Variants in EYS observed in about 807,000 individuals in gnomAD.
EYS encodes the protein EGF-like photoreceptor maintenance factor.
EYS carries 250 observed loss-of-function variants against 282.1 expected under a neutral mutation model. The ratio of observed to expected loss-of-function variants is 0.89; its 90% confidence interval spans 0.80 to 0.98. The LOEUF (loss-of-function observed/expected upper bound fraction) is 0.98. Ranked by LOEUF, EYS falls within the 50% of genes least tolerant of loss-of-function variation. The pLI, the probability that EYS is intolerant of heterozygous loss-of-function variation, is 0.00. For missense variants in EYS, 4,016 were observed against 3,709.0 expected (o/e 1.08, Z -2.15); for synonymous variants, 1,355 against 1,282.9 (o/e 1.06, Z -1.20).
chr6:65,318,825 A>T (rs1002677565), intron 11 of EYS, among the ~76,000 whole-genome samples: 1 of 149,868 alleles, frequency 6.7e-6, no homozygotes, highest in South Asian at 2.1e-4. Flanking sequence ...AATCTTTAGT[A>T]GAGACGGGGT....
intron 34 of EYS, among the ~76,000 whole-genome samples, chr6:63,991,889 A>AT (rs1422669110): frequency 5.3e-5 from 8 of 151,708 alleles, no homozygotes; most frequent in Non-Finnish European, 8.9e-5. Context: ...CTATCAGTAG[A>AT]TTTTTTTCCA....
chr6:63,981,438 G>A (rs187139195), intron 35 of EYS, among the ~76,000 whole-genome samples: 5 of 151,948 alleles, frequency 3.3e-5, no homozygotes, highest in East Asian at 1.9e-4. Context: ...AGTACACAAA[G>A]GGATTGCAGG....
intron 30 of EYS, among the ~76,000 whole-genome samples, chr6:64,296,942 G>C (rs1295924303): frequency 6.6e-6 from 1 of 152,112 alleles, no homozygotes; most frequent in African/African-American, 2.4e-5. Context: ...AAATAGTGAA[G>C]TCTATTGAAG....
intron 31 of EYS, among the ~76,000 whole-genome samples, chr6:64,214,405 A>G (rs191543783): frequency 1.3e-5 from 2 of 152,284 alleles, no homozygotes; most frequent in East Asian, 3.9e-4. Flanking sequence ...GTGAAAAAGC[A>G]AAAGACATTG....
intron 26 of EYS, among the ~76,000 whole-genome samples, chr6:64,455,004 CATT>C: frequency 6.6e-6 from 1 of 152,204 alleles, no homozygotes; most frequent in East Asian, 1.9e-4. Context: ...ATATTTAACT[CATT>C]ATATTGATGT....
At chr6:63,980,102 A>G (rs1767019037) in intron 35 of EYS, among the ~76,000 whole-genome samples, 1 of 151,830 alleles carries the variant, frequency 6.6e-6, no homozygotes, top group Non-Finnish European at 1.5e-5. Flanking sequence ...TGTGAACCCT[A>G]AGGTCTAACT....
chr6:64,752,715 A>AAGTCAACTTG (rs1772800316), intron 22 of EYS, among the ~76,000 whole-genome samples: 1 of 152,172 alleles, frequency 6.6e-6, no homozygotes, highest in Non-Finnish European at 1.5e-5. Flanking sequence ...TAGGCAATCT[A>AAGTCAACTTG]AAGTCAACAT....
chr6:63,861,199 CTA>C (rs1266034187), intron 36 of EYS, among the ~76,000 whole-genome samples: 1 of 143,970 alleles, frequency 6.9e-6, no homozygotes, highest in Non-Finnish European at 1.5e-5. Flanking sequence ...TGTTATGCCT[CTA>C]TTCTTTTTCA....
intron 6 of EYS, among the ~76,000 whole-genome samples, chr6:65,404,206 C>G (rs1766629994): frequency 1.3e-5 from 2 of 151,930 alleles, no homozygotes; most frequent in Admixed American, 1.3e-4. Context: ...CATCAAATCC[C>G]CCTTTGACTC....
At chr6:64,430,861 C>G (rs1774554022) in intron 28 of EYS, among the ~76,000 whole-genome samples, 1 of 152,106 alleles carries the variant, frequency 6.6e-6, no homozygotes, top group South Asian at 2.1e-4. Flanking sequence ...TTCATTTTCT[C>G]AGCAGAATAT....
At chr6:65,142,519 C>CAG (rs1554159732) in intron 12 of EYS, among the ~76,000 whole-genome samples, 2 of 146,364 alleles carry the variant, frequency 1.4e-5, no homozygotes, top group African/African-American at 5.0e-5. Flanking sequence ...CACACACACA[C>CAG]AGAGTTCCAA....
At chr6:64,559,547 T>C (rs1463682927) in intron 26 of EYS, among the ~76,000 whole-genome samples, 1 of 152,146 alleles carries the variant, frequency 6.6e-6, no homozygotes, top group African/African-American at 2.4e-5. Flanking sequence ...TGTTGATATA[T>C]ATTCATTAAA....
At chr6:64,381,690 C>T (rs2150420179) in intron 29 of EYS, among the ~76,000 whole-genome samples, 1 of 152,214 alleles carries the variant, frequency 6.6e-6, no homozygotes, top group Non-Finnish European at 1.5e-5. Context: ...AGAATTTCAC[C>T]TAAACAGGAA....
chr6:64,089,633 CACTT>C (rs1323501993), intron 31 of EYS, among the ~76,000 whole-genome samples: 1 of 151,632 alleles, frequency 6.6e-6, no homozygotes, highest in African/African-American at 2.4e-5. Flanking sequence ...TAAATTATTA[CACTT>C]ACTTGAATAA....
At chr6:65,420,235 A>G (rs746616629) in intron 5 of EYS, among the ~76,000 whole-genome samples, 4 of 151,972 alleles carry the variant, frequency 2.6e-5, no homozygotes, top group Non-Finnish European at 5.9e-5. Context: ...GGTCCTCGCA[A>G]ACCCTGCACT....
Position 64,357,463 on chromosome 6 carries a change from A to AT in EYS, c.6078+31226dup, listed in dbSNP as rs1449393258. ...TCCTTCTTTGCCACTAATTCTAAAT[A>AT]TTTTTTTCAAGGCTCTGGCAAAAAT... On this transcript the variant is annotated intron_variant, in intron 29 of 42. Transcript: ENST00000503581. Among the ~76,000 whole-genome samples, 3 of 151,568 alleles carry AT rather than the reference A, an allele frequency of 2.0e-5. No homozygotes were observed. The East Asian group carries it at 5.9e-4, about 30-fold the overall frequency.
At chr6:65,246,213 T>C (rs1767176123) in intron 12 of EYS, among the ~76,000 whole-genome samples, 1 of 152,134 alleles carries the variant, frequency 6.6e-6, no homozygotes, top group African/African-American at 2.4e-5. Flanking sequence ...ATTGCACTGA[T>C]TCCTATACTC....
chr6:63,786,706 AAG>A (rs1332635706), intron 39 of EYS, among the ~76,000 whole-genome samples: 2 of 152,034 alleles, frequency 1.3e-5, no homozygotes, highest in Non-Finnish European at 2.9e-5. Flanking sequence ...TAAAAAAAAA[AAG>A]AGATAATTTA....
intron 26 of EYS, among the ~76,000 whole-genome samples, chr6:64,474,374 G>A (rs1396977356): frequency 6.6e-6 from 1 of 152,170 alleles, no homozygotes; most frequent in African/African-American, 2.4e-5. Flanking sequence ...GAAACAGGGT[G>A]ACTAGGAAAT....
Sources: allele counts gnomAD v4.1 joint callset (sites outside exome capture counted in the v4.1 genomes callset), GRCh38; gene constraint gnomAD v4.1.1; transcripts MANE v1.5; gene names NCBI Gene and HGNC (gene_info 2026-07-23, HGNC 2026-07-21).